The following ZMYM5 variants were observed in gnomAD, a reference collection of about 807,000 sequenced individuals.
ZMYM5 encodes zinc finger MYM-type protein 5.
A neutral mutation model predicts 61.8 loss-of-function variants in ZMYM5; 41 were observed. The ratio of observed to expected loss-of-function variants is 0.66; its 90% CI spans 0.52 to 0.86. The LOEUF is 0.86. Among genes scored for constraint, ZMYM5 ranks in the 40% least tolerant of loss-of-function variants. ZMYM5 has a pLI of 0.00. For missense variants in ZMYM5, 706 were observed against 786.7 expected, an observed-to-expected ratio of 0.90 and a Z score of 1.23; for synonymous variants, 257 against 276.4, an observed-to-expected ratio of 0.93 and a Z score of 0.70.
At chr13:19,862,912 G>A (rs1953824985) in intron 1 of ZMYM5, among the ~76,000 whole-genome samples, 1 of 152,204 alleles carries the variant, frequency 6.6e-6, no homozygotes. Flanking sequence ...TCGACGACAG[G>A]GCCCCAGATC....
chr13:19,858,256 C>G (rs903577681), intron 2 of ZMYM5, among the ~76,000 whole-genome samples: 9 of 151,188 alleles, frequency 6.0e-5, no homozygotes, highest in Admixed American at 2.6e-4. Context: ...GAAAAAACAA[C>G]TCTGCCTAGA....
At chr13:19,841,215 A>G (rs1327072113) in intron 4 of ZMYM5, among the ~76,000 whole-genome samples, 4 of 151,496 alleles carry the variant, frequency 2.6e-5, no homozygotes, top group Non-Finnish European at 5.9e-5. Context: ...TGCCCGCCTC[A>G]GCCTCCAAAG....
At chr13:19,835,022 C>T (rs1391780307) in intron 7 of ZMYM5, among the ~76,000 whole-genome samples, 4 of 148,112 alleles carry the variant, frequency 2.7e-5, no homozygotes, top group East Asian at 2.0e-4. Context: ...GACAGGCTTT[C>T]GCTCTGTTGC....
At chr13:19,851,117 G>GA (rs1239683403) in intron 4 of ZMYM5, among the ~76,000 whole-genome samples, 36 of 149,928 alleles carry the variant, frequency 2.4e-4, no homozygotes, top group Admixed American at 4.7e-4. Flanking sequence ...GCTCAGGCAG[G>GA]AAAAAAAAAA....
intron 4 of ZMYM5, among the ~76,000 whole-genome samples, chr13:19,847,912 C>G (rs1953141419): frequency 6.6e-6 from 1 of 150,434 alleles, no homozygotes; most frequent in Non-Finnish European, 1.5e-5. Context: ...CTCGGCCTCC[C>G]AAAGTGCTGG....
intron 4 of ZMYM5, among the ~76,000 whole-genome samples, chr13:19,848,764 A>ACTTCAAGTGATCCACCTGC (rs1343481470): frequency 1.3e-5 from 2 of 151,934 alleles, no homozygotes; most frequent in Non-Finnish European, 2.9e-5. Context: ...CAAAATCCTG[A>ACTTCAAGTGATCCACCTGC]CTTCAAGTGA....
chr13:19,842,987 GT>G (rs1278579722), intron 4 of ZMYM5, among the ~76,000 whole-genome samples: 1 of 107,548 alleles, frequency 9.3e-6, no homozygotes, highest in Non-Finnish European at 2.0e-5. Context: ...AAAAAAAAAA[GT>G]TTTTTTACAT....
intron 2 of ZMYM5, among the ~76,000 whole-genome samples, chr13:19,857,935 C>T (rs1213432815): frequency 1.3e-5 from 2 of 152,022 alleles, no homozygotes; most frequent in African/African-American, 4.8e-5. Flanking sequence ...ATGGCTTGAG[C>T]CCAGGGGGTC....
In ZMYM5 at chr13:19,851,926, T is replaced by G. The variant is rs201839424; in HGVS notation, c.255A>C (p.Ala85=). 1 of 1,613,528 alleles carries G rather than the reference T, an allele frequency of 6.2e-7. No homozygotes were observed. The highest frequency in any genetic ancestry group is 1.3e-5 in the African/African-American group (1 of 74,880). ...CTTGAGGCTTTTCATTTTTTGATGATGCAAATATGAAGTTTCTTTGATCAG... is the reference window on the plus strand; with the variant it reads ...CTTGAGGCTTTTCATTTTTTGATGAGGCAAATATGAAGTTTCTTTGATCAG... ...AIADQRNFIF[A]SSKNEKPQGN... The change falls in exon 3 of 8, where the codon GCA becomes GCC. Residue 85 remains alanine, a synonymous_variant. Coordinates refer to ENST00000337963, the MANE Select transcript of ZMYM5 (RefSeq NM_001142684.2).
In ZMYM5 at chr13:19,835,777, G is replaced by A. The variant is rs374308220; in HGVS notation, c.1039-88C>T. On this transcript the variant is annotated intron_variant, in intron 6 of 7. Transcript: ENST00000337963. ...GAGATAACTAGTTTCTGCAATAGAA[G>A]CAAAGAATCCCTAATCATATCTCAG... is the stretch of plus-strand genomic sequence containing the variant. The A allele has an allele frequency of 2.1e-5, 20 of 975,258 alleles. No homozygotes were observed. The African/African-American group carries it at 3.4e-4, about 17-fold the overall frequency. 60.4% of individuals were successfully genotyped at this position (975,258 alleles called of 1,614,324 possible).
chr13:19,860,055 G>T (rs975029431), intron 2 of ZMYM5, among the ~76,000 whole-genome samples: 3 of 112,140 alleles, frequency 2.7e-5, no homozygotes, highest in African/African-American at 1.0e-4. Context: ...AGTGAGCCTA[G>T]ATCACGCCAT....
intron 4 of ZMYM5, chr13:19,842,079 T>TGC: frequency 6.6e-6 from 1 of 152,560 alleles, no homozygotes; most frequent in African/African-American, 2.4e-5. Context: ...CCTTCCAAAG[T>TGC]GCTGGGATTA....
At position 19,835,558 on chromosome 13, in the gene ZMYM5, C is replaced by G. The variant is rs1952647988; in HGVS notation, c.1170G>C (p.Lys390Asn). Residue 390 changes from lysine to asparagine, a missense_variant, in exon 7 of 8, where the codon AAG (lysine) becomes AAC (asparagine). Coordinates refer to ENST00000337963, the MANE Select transcript of ZMYM5 (RefSeq NM_001142684.2). ...CEHCGEYMPS[K>N]STGNNILVIG... ...TCACCAGGATGTTGTTTCCAGTACT[C>G]TTACTAGGCATGTACTCTCCACAGT... is the stretch of plus-strand genomic sequence containing the variant. The G allele has an allele frequency of 7.3e-7, 1 of 1,367,568 alleles. No homozygotes were observed. Among genetic ancestry groups the G allele is most frequent in the Admixed American group, 1.9e-5 (1 of 52,554 alleles). 84.7% of individuals were successfully genotyped at this position (1,367,568 alleles called of 1,614,324 possible).
At chr13:19,855,235 G>C (rs1013183702) in intron 2 of ZMYM5, among the ~76,000 whole-genome samples, 1 of 151,742 alleles carries the variant, frequency 6.6e-6, no homozygotes, top group African/African-American at 2.4e-5. Context: ...AATAATTTCT[G>C]GAAAAGAGTT....
chr13:19,852,230 T>C, intron 2 of ZMYM5, 40 bp from the exon 3 acceptor site: 1 of 1,482,390 alleles, frequency 6.7e-7, no homozygotes, highest in Non-Finnish European at 8.9e-7. Context: ...TCTAGTATGT[T>C]ATGGTTTTTG....
intron 7 of ZMYM5, among the ~76,000 whole-genome samples, chr13:19,827,541 T>C (rs1003692452): frequency 6.6e-5 from 10 of 152,326 alleles, no homozygotes; most frequent in Admixed American, 4.6e-4. Context: ...AGATTAACAC[T>C]GTAAATTCAA....
intron 6 of ZMYM5, chr13:19,837,308 C>T (rs1952704660): frequency 1.4e-6 from 1 of 731,556 alleles, no homozygotes; most frequent in Non-Finnish European, 1.9e-6. Flanking sequence ...TGTGAGCCAC[C>T]ACGTCCGGCC....
intron 4 of ZMYM5, among the ~76,000 whole-genome samples, chr13:19,840,466 T>G (rs1293940068): frequency 6.6e-6 from 1 of 152,222 alleles, no homozygotes; most frequent in Non-Finnish European, 1.5e-5. Flanking sequence ...CTTGAACTCC[T>G]GGGCTCAAGC....
At chr13:19,835,358 C>G in intron 7 of ZMYM5, 119 bp downstream of exon 7, 2 of 735,180 alleles carry the variant, frequency 2.7e-6, no homozygotes, top group Non-Finnish European at 3.9e-6. Flanking sequence ...ATGGGACAAA[C>G]CAATGACAGA....
Sources: gnomAD v4.1 joint callset for allele counts (sites outside exome capture counted in the v4.1 genomes callset) on GRCh38, gnomAD v4.1.1 for gene constraint, MANE v1.5 for transcripts, NCBI Gene and HGNC (gene_info 2026-07-23, HGNC 2026-07-21) for gene names.